Variants in SCN11A observed in about 807,000 individuals in gnomAD.
The protein encoded by SCN11A is sodium voltage-gated channel alpha subunit 11, also known as sodium channel protein type 11 subunit alpha.
SCN11A carries 122 observed loss-of-function variants against 162.2 expected under a neutral mutation model. The observed-to-expected ratio is 0.75, with a 90% CI of 0.65 to 0.87. SCN11A has a LOEUF of 0.87. SCN11A is among the 40% of genes least tolerant of loss of function. The probability of loss-of-function intolerance (pLI) is 0.00; values close to 1 mark genes in which losing one functional copy is unlikely to be tolerated. For synonymous variants in SCN11A, 758 were observed against 751.5 expected, an observed-to-expected ratio of 1.01 and a Z score of -0.14; for missense variants, 2,015 against 2,181.6, an observed-to-expected ratio of 0.92 and a Z score of 1.52.
chr3:38,945,876 T>C (rs2066509663), intron 6 of SCN11A, among the ~76,000 whole-genome samples: 1 of 152,212 alleles, frequency 6.6e-6, no homozygotes, highest in South Asian at 2.1e-4. Context: ...TCCCCCCTTC[T>C]GCTTCCCTTT....
chr3:38,853,889 T>C (rs1234606688), intron 28 of SCN11A, among the ~76,000 whole-genome samples: 1 of 152,160 alleles, frequency 6.6e-6, no homozygotes, highest in Admixed American at 6.5e-5. Flanking sequence ...AAAGTATGTA[T>C]ACAACATCTC....
intron 11 of SCN11A, 68 bp downstream of exon 11, chr3:38,919,867 T>C (rs1365312878): frequency 8.9e-7 from 1 of 1,127,758 alleles, no homozygotes; most frequent in Non-Finnish European, 1.3e-6. Flanking sequence ...TTAAAGACTG[T>C]TTGCCACACC....
intron 2 of SCN11A, among the ~76,000 whole-genome samples, chr3:38,995,799 G>GTCTATCTATCTATCTGTCTATCTA (rs1553648575): frequency 2.3e-5 from 3 of 131,380 alleles, no homozygotes; most frequent in South Asian, 2.4e-4. Context: ...ACAATAAATT[G>GTCTATCTATCTATCTGTCTATCTA]TCTATCTATC....
chr3:38,916,069 C>T (rs751483023), intron 11 of SCN11A, among the ~76,000 whole-genome samples: 1 of 152,106 alleles, frequency 6.6e-6, no homozygotes, highest in Non-Finnish European at 1.5e-5. Context: ...CCTTCTTTAT[C>T]TATTTTTTAT....
At chr3:38,985,454 G>A (rs976776771) in intron 2 of SCN11A, among the ~76,000 whole-genome samples, 3 of 150,830 alleles carry the variant, frequency 2.0e-5, no homozygotes, top group African/African-American at 7.5e-5. Context: ...AGAATCAACT[G>A]TTAGGGACAG....
Position 38,907,900 on chromosome 3 carries a change from T to C in SCN11A, c.1473+49A>G, listed in dbSNP as rs753029249. ...TCAATTTGATTGGCAATTGGACCTG[T>C]CCCCCTGGACAGCAATATGGTATCA... On this transcript the variant is annotated intron_variant, in intron 14 of 29. Coordinates refer to ENST00000302328, the MANE Select transcript of SCN11A (RefSeq NM_001349253.2). 19 of 1,477,958 alleles carry C rather than the reference T, an allele frequency of 1.3e-5. No homozygotes were observed. The South Asian group carries it at 2.5e-4, about 19-fold the overall frequency. The allele number at this position is 1,477,958 out of a possible 1,614,324, so 91.6% of individuals were successfully genotyped here.
chr3:38,851,209 T>C (rs190053484), intron 28 of SCN11A, among the ~76,000 whole-genome samples: 1 of 152,316 alleles, frequency 6.6e-6, no homozygotes, highest in African/African-American at 2.4e-5. Flanking sequence ...GGAATTAGTA[T>C]CTTCAATGCT....
chr3:38,916,652 C>CA (rs1054084168), intron 11 of SCN11A, among the ~76,000 whole-genome samples: 8 of 152,062 alleles, frequency 5.3e-5, no homozygotes, highest in African/African-American at 9.7e-5. Context: ...CCTGTCTGCC[C>CA]AAAAAGTTGC....
chr3:38,929,222 A>T (rs2066200957), intron 7 of SCN11A, among the ~76,000 whole-genome samples: 1 of 152,072 alleles, frequency 6.6e-6, no homozygotes, highest in African/African-American at 2.4e-5. Context: ...GTCAGTTCAG[A>T]GTAAAATGTG....
In SCN11A at chr3:39,003,526, T is replaced by C. The variant is rs552725337; in HGVS notation, c.-280+28854A>G. On this transcript the variant is annotated intron_variant, in intron 2 of 29. Coordinates refer to ENST00000302328, the MANE Select transcript of SCN11A (RefSeq NM_001349253.2). ...TGTGTCTTTATGGTAGAATGATTTA[T>C]ATTCCTCTGGGTCTGTACGCACTAA... 7.5e-4 allele frequency among the ~76,000 whole-genome samples: 114 copies of C among 152,364 alleles called. No individual in the cohort carries two copies. In the South Asian group the frequency reaches 9.1e-3, roughly 12 times the overall value.
In SCN11A at chr3:38,846,804, G is replaced by T; in HGVS notation, c.5266C>A (p.Gln1756Lys). The T allele has an allele frequency of 6.2e-7, 1 of 1,613,924 alleles. No homozygotes were observed. Among genetic ancestry groups the T allele is most frequent in the Non-Finnish European group, 8.5e-7 (1 of 1,179,968 alleles). ...KYMMKVTKGD[Q>K]GDQNDLENGP... ...TTTTCCAAGTCATTTTGGTCACCTT[G>T]GTCACCCTTGGTCACCTTCATCATG... Residue 1756 changes from glutamine to lysine, a missense_variant, in exon 30 of 30, where the codon CAA becomes AAA. Gln to Lys is a moderately conservative substitution (Grantham distance 53). Transcript: ENST00000302328.
chr3:38,987,100 T>G (rs912645363), intron 2 of SCN11A, among the ~76,000 whole-genome samples: 1 of 152,018 alleles, frequency 6.6e-6, no homozygotes, highest in African/African-American at 2.4e-5. Flanking sequence ...ACATAGTGAC[T>G]AATGCGCAGT....
In SCN11A at chr3:39,000,004, AC is replaced by A. The variant is rs567469331; in HGVS notation, c.-280+32375del. Among the ~76,000 whole-genome samples, 624 of 152,072 alleles carry A rather than the reference AC, an allele frequency of 4.1e-3. 9 individuals are homozygous for A. The highest frequency in any genetic ancestry group is 0.014 in the African/African-American group (593 of 41,446). ...CATGCTGGCTGAGGAACTGACCAAT[AC>A]CCCCTCAGGCTTGGCTCTCAGCTCC... On this transcript the variant is annotated intron_variant, in intron 2 of 29. Coordinates refer to ENST00000302328, the MANE Select transcript of SCN11A (RefSeq NM_001349253.2).
At chr3:39,046,282 G>C (rs1318208986) in intron 1 of SCN11A, among the ~76,000 whole-genome samples, 3 of 117,920 alleles carry the variant, frequency 2.5e-5, no homozygotes. Context: ...CAGAAGCAAG[G>C]AAGGAAGGAA....
At chr3:39,039,491 C>T (rs2031990060) in intron 1 of SCN11A, among the ~76,000 whole-genome samples, 1 of 152,030 alleles carries the variant, frequency 6.6e-6, no homozygotes, top group Admixed American at 6.5e-5. Flanking sequence ...CCCTATGTCT[C>T]CAATATCCCT....
chr3:38,981,257 C>A (rs9862340), intron 2 of SCN11A, among the ~76,000 whole-genome samples: 10,667 of 152,222 alleles, frequency 0.07, 1,206 homozygotes, highest in African/African-American at 0.24. Context: ...CTGAGTTCAG[C>A]TTTCCATGTA....
intron 4 of SCN11A, among the ~76,000 whole-genome samples, chr3:38,951,231 G>A (rs868385375): frequency 6.6e-6 from 1 of 152,188 alleles, no homozygotes; most frequent in African/African-American, 2.4e-5. Flanking sequence ...GGGCTTGGCG[G>A]GCGCCGCACT....
chr3:38,957,079 A>C (rs1459510230), intron 3 of SCN11A, among the ~76,000 whole-genome samples: 1 of 152,206 alleles, frequency 6.6e-6, no homozygotes, highest in African/African-American at 2.4e-5. Flanking sequence ...AAGAAATAGC[A>C]GTGTAAGCTA....
At chr3:38,890,696 A>G (rs574768785) in intron 19 of SCN11A, among the ~76,000 whole-genome samples, 13 of 152,384 alleles carry the variant, frequency 8.5e-5, no homozygotes, top group African/African-American at 3.1e-4. Context: ...TGTAATACCA[A>G]AAGAGGCAGA....
Sources: allele counts gnomAD v4.1 joint callset (sites outside exome capture counted in the v4.1 genomes callset), GRCh38; gene constraint gnomAD v4.1.1; transcripts MANE v1.5; gene names NCBI Gene and HGNC (gene_info 2026-07-23, HGNC 2026-07-21).